The following COL9A1 variants were observed in gnomAD, a reference collection of about 807,000 sequenced individuals.
The protein encoded by COL9A1 is collagen alpha-1(IX) chain.
COL9A1 carries 104 observed loss-of-function variants against 142.6 expected under a neutral mutation model. The ratio of observed to expected loss-of-function variants is 0.73; its 90% confidence interval spans 0.62 to 0.86. The LOEUF is 0.86. Ranked by LOEUF, COL9A1 falls within the 40% of genes least tolerant of loss-of-function variation. COL9A1 has a pLI of 0.00. For synonymous variants in COL9A1, 466 were observed against 396.0 expected (o/e 1.18, Z -2.10); for missense variants, 1,210 against 1,176.6 (o/e 1.03, Z -0.42).
Position 70,216,968 on chromosome 6 carries a change from C to A in COL9A1, c.2695G>T (p.Gly899Cys). ...GTGCAGGAGGCTGGCTCACAGAAAC[C>A]GGGAAGCCCAGGAGGTCCCGGGGGT... is the stretch of plus-strand genomic sequence containing the variant. ...PGPPGPPGLP[G>C]FCEPASCTMQ... Residue 899 changes from glycine to cysteine, a missense_variant, in exon 38 of 38, where the codon GGT becomes TGT. Physicochemically the swap from Gly to Cys is radical, Grantham distance 159. Coordinates refer to ENST00000357250, the MANE Select transcript of COL9A1 (RefSeq NM_001851.6). The A allele has an allele frequency of 2.5e-6, 4 of 1,614,048 alleles. No homozygotes were observed. Among genetic ancestry groups the A allele is most frequent in the Non-Finnish European group, 2.5e-6 (3 of 1,179,994 alleles).
chr6:70,295,735 T>C (rs1418839299), intron 4 of COL9A1, among the ~76,000 whole-genome samples: 1 of 152,214 alleles, frequency 6.6e-6, no homozygotes, highest in Admixed American at 6.5e-5. Flanking sequence ...ACCTGGATAT[T>C]CTTTTGCTGA....
rs112437724 is a variant in COL9A1, at chr6:70,285,587, T to C, written c.697-1767A>G. 6.2e-3 allele frequency among the ~76,000 whole-genome samples: 940 copies of C among 152,346 alleles called. 9 individuals carry two copies. The highest frequency in any genetic ancestry group is 0.021 in the African/African-American group (891 of 41,576). ...GATGTTTACAACTAATTTAGTCCTTTAGTCAACATTTGTGATGTCCCAATA... is the reference window on the plus strand; with the variant it reads ...GATGTTTACAACTAATTTAGTCCTTCAGTCAACATTTGTGATGTCCCAATA... On this transcript the variant is annotated intron_variant, in intron 5 of 37. Coordinates refer to ENST00000357250, the MANE Select transcript of COL9A1 (RefSeq NM_001851.6).
At chr6:70,219,825 T>C (rs1768758295) in intron 37 of COL9A1, among the ~76,000 whole-genome samples, 2 of 150,042 alleles carry the variant, frequency 1.3e-5, no homozygotes, top group Admixed American at 1.3e-4. Context: ...TAATTCAAAT[T>C]TTTTTCAACA....
chr6:70,276,793 A>T (rs185264363), intron 10 of COL9A1, among the ~76,000 whole-genome samples: 134 of 152,286 alleles, frequency 8.8e-4, no homozygotes, highest in African/African-American at 3.2e-3. Flanking sequence ...CCTCCACAAC[A>T]TCTTTATATT....
In COL9A1 at chr6:70,272,063, A is replaced by G. The variant is rs1772435313; in HGVS notation, c.1089+2T>C. ...AAAAATAAATGATGAAGTGATACTT[A>G]CAGGGGGTCCAGGAATACCACGGCC... On this transcript the variant is annotated splice_donor_variant, in intron 13 of 37. Transcript: ENST00000357250. LOFTEE classifies it high-confidence loss of function. 6.2e-7 allele frequency: 1 copy of G among 1,612,118 alleles called. No individual in the cohort carries two copies. The highest frequency in any genetic ancestry group is 8.5e-7 in the Non-Finnish European group (1 of 1,178,474).
At chr6:70,223,658 C>T (rs368905442) in intron 37 of COL9A1, among the ~76,000 whole-genome samples, 5 of 152,194 alleles carry the variant, frequency 3.3e-5, no homozygotes, top group Non-Finnish European at 7.3e-5. Flanking sequence ...CTTTCACCTG[C>T]GCACTACACG....
intron 10 of COL9A1, chr6:70,279,781 A>C (rs900187746): frequency 2.3e-6 from 1 of 438,178 alleles, no homozygotes; most frequent in African/African-American, 2.0e-5. Flanking sequence ...AAATCCAGTT[A>C]TTTATTTTTC....
At position 70,241,395 on chromosome 6, in the gene COL9A1, T is replaced by C. The variant is rs372671823; in HGVS notation, c.2034+24A>G. ...GGTGCATATCAAACATTGCATTTTATACCAATTAAATAATAAGACTGACCT... is the reference window on the plus strand; with the variant it reads ...GGTGCATATCAAACATTGCATTTTACACCAATTAAATAATAAGACTGACCT... On this transcript the variant is annotated intron_variant, in intron 31 of 37. Transcript: ENST00000357250. The C allele has an allele frequency of 6.9e-6, 11 of 1,596,328 alleles. No individual in the cohort carries two copies. In the African/African-American group the frequency reaches 1.3e-4, roughly 19 times the overall value.
intron 4 of COL9A1, among the ~76,000 whole-genome samples, chr6:70,296,287 G>A (rs1423338387): frequency 6.6e-6 from 1 of 151,358 alleles, no homozygotes; most frequent in Non-Finnish European, 1.5e-5. Context: ...TTGTATTTAG[G>A]GTATGGGATG....
rs1188815107 is a variant in COL9A1, at chr6:70,302,907, T to C, written c.14+4A>G. 1 of 1,614,082 alleles carries C rather than the reference T, an allele frequency of 6.2e-7. No individual in the cohort carries two copies. Among genetic ancestry groups the C allele is most frequent in the Non-Finnish European group, 8.5e-7 (1 of 1,179,958 alleles). ...CACCACTCTTTCCAGGGTTATTGTC[T>C]TACCAGCAGGTCTTCATTTTCCCAG... On this transcript the variant is annotated splice_donor_region_variant and intron_variant, in intron 1 of 37. Transcript: ENST00000357250.
chr6:70,289,732 A>G (rs1344605519), intron 5 of COL9A1, among the ~76,000 whole-genome samples: 2 of 152,216 alleles, frequency 1.3e-5, no homozygotes, highest in Non-Finnish European at 2.9e-5. Context: ...CTTAATAAGC[A>G]GACTTAATAG....
chr6:70,256,494 G>A (rs965471563), intron 21 of COL9A1, among the ~76,000 whole-genome samples: 8 of 152,096 alleles, frequency 5.3e-5, no homozygotes, highest in South Asian at 2.1e-4. Flanking sequence ...GACTCAAGGC[G>A]TCCTAATAAC....
downstream of COL9A1, chr6:70,216,093 A>T (rs1231057793): frequency 1.3e-5 from 2 of 152,642 alleles, 1 homozygote; most frequent in East Asian, 3.8e-4. Flanking sequence ...CTTTTCATTG[A>T]ACATGATTAT....
At position 70,216,874 on chromosome 6, in the gene COL9A1, A is replaced by T; in HGVS notation, c.*23T>A. 1 of 1,613,308 alleles carries T rather than the reference A, an allele frequency of 6.2e-7. No individual in the cohort carries two copies. Among genetic ancestry groups the T allele is most frequent in the Non-Finnish European group, 8.5e-7 (1 of 1,179,886 alleles). On this transcript the variant is annotated 3_prime_UTR_variant, in exon 38 of 38. Transcript: ENST00000357250. ...CCTTCACCAGGCGTGGTTCATGCAGACAGCCATGCAGCAGTAAGCCTTTCA... is the reference window on the plus strand; with the variant it reads ...CCTTCACCAGGCGTGGTTCATGCAGTCAGCCATGCAGCAGTAAGCCTTTCA...
chr6:70,233,166 TG>T (rs148788335), intron 35 of COL9A1, among the ~76,000 whole-genome samples: 32,438 of 152,174 alleles, frequency 0.21, 4,185 homozygotes, highest in Non-Finnish European at 0.29. Flanking sequence ...TTAACATATG[TG>T]GAAGCAGATG....
chr6:70,280,347 C>T (rs1326381378), intron 10 of COL9A1: 1 of 1,187,920 alleles, frequency 8.4e-7, no homozygotes, highest in African/African-American at 1.6e-5. Flanking sequence ...TGCTCTGGCC[C>T]TTTGCCTACC....
At chr6:70,301,957 T>C (rs1236545961) in intron 2 of COL9A1, 44 bp downstream of exon 2, 1 of 1,496,162 alleles carries the variant, frequency 6.7e-7, no homozygotes, top group Non-Finnish European at 9.2e-7. Flanking sequence ...TGATCATTTC[T>C]GGGAATAAGT....
chr6:70,244,080 G>T (rs1427331471), intron 28 of COL9A1, among the ~76,000 whole-genome samples: 1 of 152,034 alleles, frequency 6.6e-6, no homozygotes. Flanking sequence ...TCTGAATTTT[G>T]AATTTCTCTA....
rs1043186674 is a variant in COL9A1, at chr6:70,283,166, C to T, written c.781-248G>A. On this transcript the variant is annotated intron_variant, in intron 6 of 37. Coordinates refer to ENST00000357250, the MANE Select transcript of COL9A1 (RefSeq NM_001851.6). ...TTCGTCCCTGCAGAAAAAGCACCCC[C>T]GGGAGTAGCGGTTGCCAAAGCGTCC... 5 of 1,504,256 alleles carry T rather than the reference C, an allele frequency of 3.3e-6. No individual in the cohort carries two copies. The African/African-American group carries it at 5.6e-5, about 17-fold the overall frequency. 93.2% of individuals were successfully genotyped at this position (1,504,256 alleles called of 1,614,324 possible).
Sources: allele counts gnomAD v4.1 joint callset (sites outside exome capture counted in the v4.1 genomes callset), GRCh38; gene constraint gnomAD v4.1.1; transcripts MANE v1.5; gene names NCBI Gene and HGNC (gene_info 2026-07-23, HGNC 2026-07-21).